The following MCF2L2 variants were observed in gnomAD, a reference collection of about 807,000 sequenced individuals.
MCF2L2 encodes the protein probable guanine nucleotide exchange factor MCF2L2.
In MCF2L2, 102 loss-of-function variants were observed where a neutral mutation model predicts 150.2. That is an observed-to-expected ratio of 0.68 (90% CI 0.58 to 0.80). The LOEUF (loss-of-function observed/expected upper bound fraction) is 0.80, where lower values mean the gene tolerates loss of function less well. Ranked by LOEUF, MCF2L2 falls within the 30% of genes least tolerant of loss-of-function variation. The probability of loss-of-function intolerance (pLI) is 0.00; values close to 1 mark genes in which losing one functional copy is unlikely to be tolerated. For synonymous variants in MCF2L2, 465 were observed against 491.3 expected, an observed-to-expected ratio of 0.95 and a Z score of 0.71; for missense variants, 1,256 against 1,372.8, an observed-to-expected ratio of 0.91 and a Z score of 1.34.
chr3:183,378,909 G>C (rs530916168), intron 3 of MCF2L2: 1 of 156,416 alleles, frequency 6.4e-6, no homozygotes, highest in Non-Finnish European at 1.4e-5. Context: ...CTCGGGAGGC[G>C]GAGGTTGCAG....
chr3:183,322,629 A>T (rs1312124224), intron 6 of MCF2L2, among the ~76,000 whole-genome samples: 1 of 152,234 alleles, frequency 6.6e-6, no homozygotes, highest in African/African-American at 2.4e-5. Context: ...ACAATTTTTT[A>T]AAATTAATTT....
intron 27 of MCF2L2, among the ~76,000 whole-genome samples, chr3:183,191,843 TTTTA>T (rs1721903332): frequency 6.6e-6 from 1 of 152,054 alleles, no homozygotes; most frequent in East Asian, 1.9e-4. Context: ...TATTTATTTA[TTTTA>T]TTTATTTTTT....
chr3:183,415,896 G>A (rs1715563077), intron 1 of MCF2L2, among the ~76,000 whole-genome samples: 1 of 151,972 alleles, frequency 6.6e-6, no homozygotes, highest in African/African-American at 2.4e-5. Flanking sequence ...GATATAGTGG[G>A]ATCCATGTCT....
chr3:183,290,279 C>A lies in MCF2L2; in HGVS notation c.1676-1059G>T, dbSNP rs538112148. ...TTGGCCACTCTATCTCCCTTCTCCCCACCTGGGAAATATCCTTTCTTCAAG... is the reference window on the plus strand; with the variant it reads ...TTGGCCACTCTATCTCCCTTCTCCCAACCTGGGAAATATCCTTTCTTCAAG... On this transcript the variant is annotated intron_variant, in intron 13 of 29. Coordinates refer to ENST00000328913, the MANE Select transcript of MCF2L2 (RefSeq NM_015078.4). Among the ~76,000 whole-genome samples the A allele has an allele frequency of 4.6e-5, 7 of 152,274 alleles. 1 individual carries two copies. The highest frequency in any genetic ancestry group is 1.7e-4 in the African/African-American group (7 of 41,556).
intron 15 of MCF2L2, among the ~76,000 whole-genome samples, chr3:183,248,244 C>A (rs1328800042): frequency 6.6e-6 from 1 of 152,042 alleles, no homozygotes; most frequent in South Asian, 2.1e-4. Flanking sequence ...TTGGGCTTTA[C>A]AACTTTGGAC....
At chr3:183,337,196 G>A (rs1173393694) in intron 5 of MCF2L2, among the ~76,000 whole-genome samples, 1 of 152,116 alleles carries the variant, frequency 6.6e-6, no homozygotes, top group Non-Finnish European at 1.5e-5. Flanking sequence ...GGACATTCTT[G>A]TGTATGTCTT....
intron 14 of MCF2L2, among the ~76,000 whole-genome samples, chr3:183,280,027 CAAA>C (rs879598642): frequency 7.2e-6 from 1 of 138,742 alleles, no homozygotes; most frequent in Non-Finnish European, 1.6e-5. Context: ...ATTCCGTCTC[CAAA>C]AAAAAAAAAG....
At chr3:183,254,450 C>A (rs1235935754) in intron 15 of MCF2L2, among the ~76,000 whole-genome samples, 2 of 151,944 alleles carry the variant, frequency 1.3e-5, no homozygotes, top group Non-Finnish European at 2.9e-5. Flanking sequence ...CCGGCCTGCC[C>A]GCGCGGGTGG....
At chr3:183,216,499 A>G (rs1362508454) in intron 21 of MCF2L2, among the ~76,000 whole-genome samples, 1 of 138,210 alleles carries the variant, frequency 7.2e-6, no homozygotes, top group South Asian at 2.1e-4. Flanking sequence ...TATATTAATT[A>G]TATATATTAA....
At chr3:183,355,122 C>T (rs1361087421) in intron 3 of MCF2L2, among the ~76,000 whole-genome samples, 1 of 150,958 alleles carries the variant, frequency 6.6e-6, no homozygotes, top group African/African-American at 2.4e-5. Flanking sequence ...TCTAATGGAT[C>T]CCATCCCCTC....
chr3:183,401,718 T>C (rs1714767330), intron 1 of MCF2L2, among the ~76,000 whole-genome samples: 2 of 152,242 alleles, frequency 1.3e-5, no homozygotes. Flanking sequence ...GTCTAGCTTC[T>C]CTCAGGATAA....
chr3:183,308,846 T>C (rs1005495160), intron 10 of MCF2L2, among the ~76,000 whole-genome samples: 1 of 152,212 alleles, frequency 6.6e-6, no homozygotes, highest in Non-Finnish European at 1.5e-5. Context: ...GCTCACACTT[T>C]GGCAAATCTC....
intron 3 of MCF2L2, among the ~76,000 whole-genome samples, chr3:183,346,944 G>A (rs563254098): frequency 6.6e-6 from 1 of 152,152 alleles, no homozygotes; most frequent in Non-Finnish European, 1.5e-5. Context: ...CATGCTCATG[G>A]ATAGGAAGAA....
At chr3:183,363,827 C>T (rs1025086483) in intron 3 of MCF2L2, among the ~76,000 whole-genome samples, 1 of 152,172 alleles carries the variant, frequency 6.6e-6, no homozygotes, top group African/African-American at 2.4e-5. Context: ...AAAAGACCTA[C>T]ACGACATAAT....
chr3:183,389,596 T>G, intron 2 of MCF2L2, 100 bp downstream of exon 2: 923 of 976,980 alleles, frequency 9.4e-4, no homozygotes, highest in Non-Finnish European at 1.3e-3. Context: ...AAGGGGTGAG[T>G]GAGATTTGAG....
At chr3:183,316,630 C>T (rs1729615066) in intron 7 of MCF2L2, among the ~76,000 whole-genome samples, 1 of 151,656 alleles carries the variant, frequency 6.6e-6, no homozygotes. Flanking sequence ...CACGCATGAG[C>T]CACTGCACCC....
chr3:183,320,035 T>C (rs548771097), intron 6 of MCF2L2, among the ~76,000 whole-genome samples: 1 of 152,136 alleles, frequency 6.6e-6, no homozygotes, highest in Non-Finnish European at 1.5e-5. Flanking sequence ...CTTCTTCCAA[T>C]AGAATGCCGT....
chr3:183,340,375 C>T (rs955726063), intron 4 of MCF2L2, among the ~76,000 whole-genome samples: 1 of 152,088 alleles, frequency 6.6e-6, no homozygotes, highest in Non-Finnish European at 1.5e-5. Context: ...TTTAGCCAGT[C>T]CCAACTGCCC....
intron 4 of MCF2L2, among the ~76,000 whole-genome samples, chr3:183,340,863 A>T (rs748476710): frequency 6.6e-6 from 1 of 152,230 alleles, no homozygotes. Flanking sequence ...GAATCTCTCG[A>T]ACCCGGGAGG....
Sources: allele counts gnomAD v4.1 joint callset (sites outside exome capture counted in the v4.1 genomes callset), GRCh38; gene constraint gnomAD v4.1.1; transcripts MANE v1.5; gene names NCBI Gene and HGNC (gene_info 2026-07-23, HGNC 2026-07-21).